RECK: variants seen among roughly 807,000 people sequenced by gnomAD.
RECK encodes the protein reversion-inducing cysteine-rich protein with Kazal motifs.
In RECK, 69 loss-of-function variants were observed where a neutral mutation model predicts 115.1. The observed-to-expected ratio is 0.60, with a 90% confidence interval of 0.49 to 0.73. RECK has a LOEUF of 0.73. RECK is among the 30% of genes least tolerant of loss of function. RECK has a pLI of 0.00. For missense variants in RECK, 1,047 were observed against 1,203.7 expected (o/e 0.87, Z 1.93); for synonymous variants, 414 against 419.7 (o/e 0.99, Z 0.17).
intron 1 of RECK, among the ~76,000 whole-genome samples, chr9:36,049,315 T>A (rs1821194005): frequency 6.6e-6 from 1 of 152,134 alleles, no homozygotes; most frequent in Non-Finnish European, 1.5e-5. Context: ...CCCTGGAAGT[T>A]GGGAGATCAG....
intron 6 of RECK, among the ~76,000 whole-genome samples, chr9:36,079,405 A>G (rs1822590142): frequency 6.6e-6 from 1 of 152,208 alleles, no homozygotes; most frequent in Non-Finnish European, 1.5e-5. Flanking sequence ...TGCTTGATGG[A>G]GTCTCTAGCA....
Position 36,121,590 on chromosome 9 carries a change from G to C in RECK, c.2596G>C (p.Val866Leu). Residue 866 changes from valine (V) to leucine (L), a missense_variant, in exon 20 of 21, where the codon GTG becomes CTG. By Grantham distance (32) the Val-to-Leu change is conservative (BLOSUM62 1). Coordinates refer to ENST00000377966, the MANE Select transcript of RECK (RefSeq NM_021111.3). ...LEILQKIRMH[V>L]SVPQCDVFGY... Reference sequence around the variant, plus strand: ...AATACTTCAGAAAATCCGCATGCACGTGTCTGTCCCACAGTGTGATGTGTT... The same window carrying C: ...AATACTTCAGAAAATCCGCATGCACCTGTCTGTCCCACAGTGTGATGTGTT... The C allele has an allele frequency of 6.2e-7, 1 of 1,614,060 alleles. No homozygotes were observed. Among genetic ancestry groups the C allele is most frequent in the Non-Finnish European group, 8.5e-7 (1 of 1,179,938 alleles).
chr9:36,087,659 C>A, intron 8 of RECK, 35 bp from the exon 9 acceptor site: 1 of 1,587,222 alleles, frequency 6.3e-7, no homozygotes. Flanking sequence ...ACAAAAAAAA[C>A]AGCTAATTAA....
chr9:36,075,567 A>G (rs1205107802), intron 6 of RECK, among the ~76,000 whole-genome samples: 1 of 152,246 alleles, frequency 6.6e-6, no homozygotes, highest in Admixed American at 6.5e-5. Flanking sequence ...CATTCATGGT[A>G]TCCACAAGGA....
intron 16 of RECK, among the ~76,000 whole-genome samples, chr9:36,115,696 A>G (rs1824231925): frequency 6.6e-6 from 1 of 152,242 alleles, no homozygotes; most frequent in Admixed American, 6.5e-5. Flanking sequence ...CATTTCATGC[A>G]TAGTGACGGT....
intron 10 of RECK, among the ~76,000 whole-genome samples, chr9:36,092,690 C>T (rs1011273605): frequency 6.6e-6 from 1 of 151,884 alleles, no homozygotes; most frequent in Non-Finnish European, 1.5e-5. Context: ...CCACGAGTGG[C>T]CAACGTCTCT....
intron 16 of RECK, 131 bp from the exon 17 acceptor site, chr9:36,116,854 C>A: frequency 1.5e-6 from 1 of 663,386 alleles, no homozygotes. Context: ...TACATAAGCT[C>A]TTTGGAGACA....
intron 8 of RECK, among the ~76,000 whole-genome samples, chr9:36,084,239 A>C (rs1039571151): frequency 1.3e-5 from 2 of 152,084 alleles, no homozygotes; most frequent in African/African-American, 4.8e-5. Flanking sequence ...TCTACAAAAA[A>C]TACAGAAATT....
intron 8 of RECK, among the ~76,000 whole-genome samples, chr9:36,086,591 C>G (rs927591649): frequency 6.6e-6 from 1 of 152,054 alleles, no homozygotes; most frequent in Admixed American, 6.5e-5. Context: ...ACTGCTGGCT[C>G]GGGTGGCCAG....
chr9:36,120,636 G>A lies in RECK; in HGVS notation c.2465-27G>A, dbSNP rs372049934. 728 of 1,529,170 alleles carry A rather than the reference G, an allele frequency of 4.8e-4. 14 individuals are homozygous for A. The South Asian group carries it at 7.8e-3, about 16-fold the overall frequency. The allele number at this position is 1,529,170 out of a possible 1,614,324, so 94.7% of individuals were successfully genotyped here. On this transcript the variant is annotated intron_variant, in intron 18 of 20. Transcript: ENST00000377966. Reference sequence around the variant, plus strand: ...ATTCTCTTTGTTTCTAATTCTGAACGCACATAAAATGGTTTCTGTTATACA... The same window carrying A: ...ATTCTCTTTGTTTCTAATTCTGAACACACATAAAATGGTTTCTGTTATACA...
intron 7 of RECK, 127 bp downstream of exon 7, chr9:36,080,765 C>A: frequency 1.3e-6 from 1 of 770,648 alleles, no homozygotes; most frequent in Non-Finnish European, 2.1e-6. Context: ...TGTATTATAA[C>A]AATTCCCATG....
chr9:36,093,433 C>A (rs1293137741), intron 10 of RECK, among the ~76,000 whole-genome samples: 1 of 151,916 alleles, frequency 6.6e-6, no homozygotes, highest in Non-Finnish European at 1.5e-5. Context: ...GAAAGATCTA[C>A]AGGTAAAGAT....
At chr9:36,087,525 A>C (rs1823011070) in intron 8 of RECK, among the ~76,000 whole-genome samples, 169 bp from the exon 9 acceptor site, 1 of 152,198 alleles carries the variant, frequency 6.6e-6, no homozygotes, top group Admixed American at 6.5e-5. Context: ...TAGCATTAGG[A>C]GAAATACCTA....
chr9:36,052,745 T>C (rs553330014), intron 2 of RECK, among the ~76,000 whole-genome samples: 9 of 152,166 alleles, frequency 5.9e-5, no homozygotes, highest in Middle Eastern at 3.4e-3. Flanking sequence ...GTCAGTGTTA[T>C]AAAAACAAAG....
chr9:36,056,970 C>T (rs1488332603), intron 2 of RECK: 3 of 985,138 alleles, frequency 3.0e-6, no homozygotes, highest in African/African-American at 1.7e-5. Flanking sequence ...TCCTTTTTCA[C>T]TGTCCATAGC....
chr9:36,063,636 G>A (rs1338015192), intron 4 of RECK, among the ~76,000 whole-genome samples, 159 bp from the exon 5 acceptor site: 2 of 152,190 alleles, frequency 1.3e-5, no homozygotes, highest in Non-Finnish European at 2.9e-5. Context: ...TGGAAGTAAG[G>A]GTAAAGGGAG....
chr9:36,117,806 C>T (rs1036702246), intron 17 of RECK, among the ~76,000 whole-genome samples: 2 of 152,220 alleles, frequency 1.3e-5, no homozygotes, highest in Admixed American at 1.3e-4. Context: ...ATGGTGAAAC[C>T]CCATCTCTAC....
At chr9:36,075,846 T>G (rs1822426456) in intron 6 of RECK, among the ~76,000 whole-genome samples, 1 of 152,226 alleles carries the variant, frequency 6.6e-6, no homozygotes, top group Non-Finnish European at 1.5e-5. Context: ...TAATAAAATG[T>G]GCTCTTTTGG....
chr9:36,074,080 T>G (rs1311467646), intron 6 of RECK, among the ~76,000 whole-genome samples: 1 of 152,176 alleles, frequency 6.6e-6, no homozygotes, highest in African/African-American at 2.4e-5. Flanking sequence ...TCTATTGAAC[T>G]AGAGTAACCT....
Sources: gnomAD v4.1 joint callset for allele counts (sites outside exome capture counted in the v4.1 genomes callset) on GRCh38, gnomAD v4.1.1 for gene constraint, MANE v1.5 for transcripts, NCBI Gene and HGNC (gene_info 2026-07-23, HGNC 2026-07-21) for gene names.